The following TANC1 variants were observed in gnomAD, a reference collection of about 807,000 sequenced individuals.
TANC1 encodes the protein protein TANC1.
Under a neutral mutation model 149.7 loss-of-function variants are expected in TANC1, and 77 were observed. The observed-to-expected ratio is 0.51, with a 90% CI of 0.43 to 0.62. The LOEUF is 0.62. Among genes scored for constraint, TANC1 ranks in the 20% least tolerant of loss-of-function variants. The pLI, the probability that TANC1 is intolerant of heterozygous loss-of-function variation, is 0.00. For missense variants in TANC1, 1,985 were observed against 2,321.8 expected, an observed-to-expected ratio of 0.85 and a Z score of 2.98; for synonymous variants, 854 against 925.0, an observed-to-expected ratio of 0.92 and a Z score of 1.39.
intron 2 of TANC1, among the ~76,000 whole-genome samples, chr2:159,062,921 T>C (rs1019848896): frequency 1.7e-4 from 23 of 131,646 alleles, no homozygotes; most frequent in Admixed American, 7.3e-4. Context: ...GAGCCGAGAT[T>C]GCACCACTGC....
intron 2 of TANC1, among the ~76,000 whole-genome samples, chr2:159,014,761 G>A (rs912428694): frequency 1.3e-5 from 2 of 152,170 alleles, no homozygotes; most frequent in Non-Finnish European, 1.5e-5. Flanking sequence ...AGAGGCTACA[G>A]GGCCCATGCA....
chr2:159,071,599 T>C (rs2043160495), intron 3 of TANC1, among the ~76,000 whole-genome samples: 1 of 152,218 alleles, frequency 6.6e-6, no homozygotes, highest in Non-Finnish European at 1.5e-5. Context: ...AAGCCATTGA[T>C]GTGATTGTTA....
chr2:159,019,576 C>A (rs1242298140), intron 2 of TANC1, among the ~76,000 whole-genome samples: 2 of 150,220 alleles, frequency 1.3e-5, no homozygotes, highest in African/African-American at 2.5e-5. Flanking sequence ...TACTTCTGGG[C>A]AGTTGTCCAC....
chr2:158,994,449 T>G (rs1005700296), intron 1 of TANC1, among the ~76,000 whole-genome samples: 2 of 152,106 alleles, frequency 1.3e-5, no homozygotes, highest in African/African-American at 4.8e-5. Flanking sequence ...TTTTATTTAT[T>G]TTTTGTAGAT....
rs540226073 is a variant in TANC1 at position 159,136,591 on chromosome 2, A to G, written c.364+293A>G. ...TGGAGGATAGGAAGCGTCACCCAGT[A>G]GATTGCTTCCAAGATTTTGTTTTGT... is the stretch of plus-strand genomic sequence containing the variant. On this transcript the variant is annotated intron_variant, in intron 5 of 26. Transcript: ENST00000263635. Among the ~76,000 whole-genome samples the G allele has an allele frequency of 8.1e-4, 124 of 152,322 alleles. 1 individual carries two copies. Among genetic ancestry groups the G allele is most frequent in the Non-Finnish European group, 1.6e-3 (110 of 68,034 alleles).
Position 159,178,833 on chromosome 2 carries a change from A to C in TANC1, c.2180A>C (p.Lys727Thr). The C allele has an allele frequency of 6.2e-7, 1 of 1,614,194 alleles. No individual in the cohort carries two copies. The highest frequency in any genetic ancestry group is 8.5e-7 in the Non-Finnish European group (1 of 1,180,030). Residue 727 changes from lysine to threonine, a missense_variant, in exon 14 of 27, where the codon AAG (lysine) becomes ACG (threonine). Physicochemically the swap from Lys to Thr is moderately conservative, Grantham distance 78. Coordinates refer to ENST00000263635, the MANE Select transcript of TANC1 (RefSeq NM_033394.3). ...GHLVIKSASYKVVPVSLSELY... is the reference protein window; with the variant it reads ...GHLVIKSASYTVVPVSLSELY... The stretch of plus-strand genomic sequence containing the variant: ...TTGGTCATTAAGAGTGCCAGCTACA[A>C]GGTGGTGCCCGTGTCTCTCTCTGAG...
rs750555492 is a variant in TANC1 at position 159,172,305 on chromosome 2, A to G, written c.1503+33A>G. On this transcript the variant is annotated intron_variant, in intron 11 of 26. Transcript: ENST00000263635. ...TTCTTGTTTTATTGGAGCCTTCCAC[A>G]TAGAGAGATTTGCTGGTTTGGTTTC... 29 of 1,599,856 alleles carry G rather than the reference A, an allele frequency of 1.8e-5. 1 individual carries two copies. In the South Asian group the frequency reaches 2.8e-4, roughly 15 times the overall value.
At chr2:159,021,860 A>G (rs1574169191) in intron 2 of TANC1, among the ~76,000 whole-genome samples, 1 of 152,206 alleles carries the variant, frequency 6.6e-6, no homozygotes, top group African/African-American at 2.4e-5. Context: ...TAAGGACTAG[A>G]GTCTGCTATA....
intron 20 of TANC1, among the ~76,000 whole-genome samples, chr2:159,218,442 C>T (rs947531212): frequency 2.0e-5 from 3 of 152,156 alleles, no homozygotes; most frequent in Non-Finnish European, 4.4e-5. Context: ...CCTTTCCTGG[C>T]CCTGCTGTGT....
At chr2:158,993,388 A>G (rs1213037850) in intron 1 of TANC1, among the ~76,000 whole-genome samples, 1 of 152,094 alleles carries the variant, frequency 6.6e-6, no homozygotes, top group Non-Finnish European at 1.5e-5. Context: ...AGTTGCTGAG[A>G]TTATAGATGC....
At chr2:159,222,948 C>T (rs2059794234) in intron 22 of TANC1, among the ~76,000 whole-genome samples, 1 of 152,214 alleles carries the variant, frequency 6.6e-6, no homozygotes, top group Admixed American at 6.5e-5. Flanking sequence ...CTCTGTCACC[C>T]AGGCTGAAGT....
chr2:159,077,947 C>A (rs929158081), intron 3 of TANC1, among the ~76,000 whole-genome samples: 1 of 152,054 alleles, frequency 6.6e-6, no homozygotes, highest in Admixed American at 6.5e-5. Flanking sequence ...TTTTTCATAT[C>A]CTTAGGTTAT....
At chr2:159,044,822 CTA>C (rs2149550856) in intron 2 of TANC1, among the ~76,000 whole-genome samples, 1 of 152,306 alleles carries the variant, frequency 6.6e-6, no homozygotes, top group East Asian at 1.9e-4. Flanking sequence ...CTTGAAATGT[CTA>C]TGAGATGTGC....
At chr2:159,011,883 G>T (rs1056438630) in intron 2 of TANC1, among the ~76,000 whole-genome samples, 1 of 152,188 alleles carries the variant, frequency 6.6e-6, no homozygotes, top group South Asian at 2.1e-4. Flanking sequence ...GGGCCAGAAG[G>T]CTGACCAGAC....
intron 1 of TANC1, among the ~76,000 whole-genome samples, chr2:158,976,649 G>A (rs550857935): frequency 6.6e-6 from 1 of 152,190 alleles, no homozygotes; most frequent in Non-Finnish European, 1.5e-5. Flanking sequence ...GGGAGGCCAA[G>A]GCGGGCAGAT....
chr2:159,164,593 GA>G (rs2054383351), intron 8 of TANC1, among the ~76,000 whole-genome samples: 1 of 152,204 alleles, frequency 6.6e-6, no homozygotes, highest in South Asian at 2.1e-4. Context: ...GAGTTTAGAA[GA>G]GGAACTTGTT....
At chr2:159,087,918 GAT>G (rs1000759185) in intron 3 of TANC1, among the ~76,000 whole-genome samples, 2 of 149,438 alleles carry the variant, frequency 1.3e-5, no homozygotes, top group African/African-American at 5.0e-5. Context: ...GGGAGAATGT[GAT>G]GTGATGACGT....
At chr2:159,147,838 T>G (rs1205300203) in intron 5 of TANC1, 1 of 152,206 alleles carries the variant, frequency 6.6e-6, no homozygotes, top group African/African-American at 2.4e-5. Context: ...TTTCCTTTCT[T>G]GAAGATGCTG....
chr2:159,203,174 C>T (rs1400809858), intron 19 of TANC1, among the ~76,000 whole-genome samples: 1 of 152,020 alleles, frequency 6.6e-6, no homozygotes, highest in Non-Finnish European at 1.5e-5. Flanking sequence ...GTAGGACTTA[C>T]CATCAGTACA....
Sources: gnomAD v4.1 joint callset for allele counts (sites outside exome capture counted in the v4.1 genomes callset) on GRCh38, gnomAD v4.1.1 for gene constraint, MANE v1.5 for transcripts, NCBI Gene and HGNC (gene_info 2026-07-23, HGNC 2026-07-21) for gene names.